TRAF7: variants seen among roughly 807,000 people sequenced by gnomAD.
TRAF7 encodes the protein E3 ubiquitin-protein ligase TRAF7.
TRAF7 carries 45 observed loss-of-function variants against 89.3 expected under a neutral mutation model. That is an observed-to-expected ratio of 0.50 (90% CI 0.40 to 0.65). TRAF7 has a LOEUF of 0.65. Among genes scored for constraint, TRAF7 ranks in the 30% least tolerant of loss-of-function variants. The pLI, the probability that TRAF7 is intolerant of heterozygous loss-of-function variation, is 0.00. For synonymous variants in TRAF7, 406 were observed against 369.2 expected (o/e 1.10, Z -1.14); for missense variants, 677 against 918.1 (o/e 0.74, Z 3.39).
At chr16:2,171,709 T>A (rs2093112072) in intron 7 of TRAF7, 104 bp downstream of exon 7, 2 of 1,565,366 alleles carry the variant, frequency 1.3e-6, no homozygotes. Context: ...CCGGCCCTGT[T>A]TGGCCTCTGC....
chr16:2,167,327 G>A (rs1168108351), intron 3 of TRAF7, among the ~76,000 whole-genome samples: 4 of 139,702 alleles, frequency 2.9e-5, no homozygotes, highest in Non-Finnish European at 6.6e-5. Context: ...AGCCTCTCGA[G>A]GCCTCAATCT....
In TRAF7 at chr16:2,161,819, C is replaced by T. The variant is rs566277269; in HGVS notation, c.-38-2064C>T. Among the ~76,000 whole-genome samples the T allele has an allele frequency of 1.6e-4, 24 of 152,300 alleles. No homozygotes were observed. The highest frequency in any genetic ancestry group is 5.1e-4 in the African/African-American group (21 of 41,566). ...GGCCAGCTCTCCCCGACCTTCCTGCCGGGAGCTGCTGGAGACGGGATAGAC... is the reference window on the plus strand; with the variant it reads ...GGCCAGCTCTCCCCGACCTTCCTGCTGGGAGCTGCTGGAGACGGGATAGAC... On this transcript the variant is annotated intron_variant, in intron 1 of 20. Coordinates refer to ENST00000326181, the MANE Select transcript of TRAF7 (RefSeq NM_032271.3). The surrounding 1 kb of genome is among the most constrained non-coding windows in gnomAD (Gnocchi z 5.2).
rs566152738 is a variant in TRAF7 at position 2,169,209 on chromosome 16, C to G, written c.231+1041C>G. ...GTTGGTCAGGCTGGTCTCGAACTCC[C>G]GACCTCAGCTGATCTGCCCCCTCCT... On this transcript the variant is annotated intron_variant, in intron 4 of 20. Transcript: ENST00000326181. Among the ~76,000 whole-genome samples the G allele has an allele frequency of 1.3e-4, 20 of 152,218 alleles. No individual in the cohort carries two copies. The East Asian group carries it at 3.7e-3, about 28-fold the overall frequency.
At position 2,172,532 on chromosome 16, in the gene TRAF7, C is replaced by G. The variant is rs750793648; in HGVS notation, c.727C>G (p.Leu243Val). 98 of 1,589,568 alleles carry G rather than the reference C, an allele frequency of 6.2e-5. No homozygotes were observed. The Admixed American group carries it at 1.7e-3, about 28-fold the overall frequency. Residue 243 changes from leucine (L) to valine (V), a missense_variant, in exon 9 of 21, where the codon CTC becomes GTC. Coordinates refer to ENST00000326181, the MANE Select transcript of TRAF7 (RefSeq NM_032271.3). Reference protein sequence around the residue: ...CPNNPSCPPLLRMNLEAHLKE... With the variant: ...CPNNPSCPPLVRMNLEAHLKE... Reference sequence around the variant, plus strand: ...CAACAACCCCAGCTGCCCCCCGCTGCTCAGGATGAACCTGGAGGCCCACCT... The same window carrying G: ...CAACAACCCCAGCTGCCCCCCGCTGGTCAGGATGAACCTGGAGGCCCACCT...
chr16:2,164,332 T>C (rs112388232), intron 2 of TRAF7, among the ~76,000 whole-genome samples: 3 of 121,878 alleles, frequency 2.5e-5, no homozygotes, highest in African/African-American at 9.3e-5. Context: ...TAAAGCGTGT[T>C]AGTGCTGCGT....
In TRAF7 at chr16:2,168,777, C is replaced by T. The variant is rs1351262448; in HGVS notation, c.231+609C>T. Reference sequence around the variant, plus strand: ...GCCCTGTGGCCAGGGTCTCAGTGGCCGTTCCCTGCCATCCTGGTCAATGGC... The same window carrying T: ...GCCCTGTGGCCAGGGTCTCAGTGGCTGTTCCCTGCCATCCTGGTCAATGGC... On this transcript the variant is annotated intron_variant, in intron 4 of 20. Transcript: ENST00000326181. The surrounding 1 kb of genome is among the most constrained non-coding windows in gnomAD (Gnocchi z 4.1). 6.6e-6 allele frequency among the ~76,000 whole-genome samples: 1 copy of T among 152,030 alleles called. No homozygotes were observed. The highest frequency in any genetic ancestry group is 2.4e-5 in the African/African-American group (1 of 41,384).
At chr16:2,172,902 G>T (rs1018635406) in intron 9 of TRAF7, among the ~76,000 whole-genome samples, 1 of 152,174 alleles carries the variant, frequency 6.6e-6, no homozygotes, top group African/African-American at 2.4e-5. Flanking sequence ...AGTTCTTCAG[G>T]GCAGGGAGGT....
intron 2 of TRAF7, among the ~76,000 whole-genome samples, chr16:2,165,084 C>G (rs1269637911): frequency 9.5e-6 from 1 of 105,082 alleles, no homozygotes; most frequent in Non-Finnish European, 1.8e-5. Flanking sequence ...GCTGCATGGC[C>G]TGGCCTGGTC....
At chr16:2,164,072 C>T in intron 2 of TRAF7, 71 bp downstream of exon 2, 3 of 1,415,742 alleles carry the variant, frequency 2.1e-6, no homozygotes, top group South Asian at 2.6e-5. Context: ...CTGGTGTTGC[C>T]TGCAGAGCTC....
At position 2,158,578 on chromosome 16, in the gene TRAF7, G is replaced by A. The variant is rs2093045285; in HGVS notation, c.-39+2720G>A. Among the ~76,000 whole-genome samples, 1 of 152,188 alleles carries A rather than the reference G, an allele frequency of 6.6e-6. No individual in the cohort carries two copies. Among genetic ancestry groups the A allele is most frequent in the South Asian group, 2.1e-4 (1 of 4,828 alleles). On this transcript the variant is annotated intron_variant, in intron 1 of 20. Coordinates refer to ENST00000326181, the MANE Select transcript of TRAF7 (RefSeq NM_032271.3). The surrounding 1 kb of genome is among the most constrained non-coding windows in gnomAD (Gnocchi z 4.7). ...CAGTGCGGTGGCACGCTGGCATGAGGGCGCTGGGTGACTGAGGGGGTCAGT... is the reference window on the plus strand; with the variant it reads ...CAGTGCGGTGGCACGCTGGCATGAGAGCGCTGGGTGACTGAGGGGGTCAGT...
chr16:2,170,022 T>G (rs923291797), intron 4 of TRAF7, among the ~76,000 whole-genome samples: 1 of 152,192 alleles, frequency 6.6e-6, no homozygotes, highest in Non-Finnish European at 1.5e-5. Context: ...CCCTTGTCGG[T>G]GGCTCAGCCA....
intron 14 of TRAF7, among the ~76,000 whole-genome samples, chr16:2,174,707 C>T (rs1026065903): frequency 1.3e-5 from 2 of 152,226 alleles, no homozygotes; most frequent in African/African-American, 4.8e-5. Context: ...ACTACCTTGG[C>T]CACTTTCTTG....
Position 2,176,624 on chromosome 16 carries a change from C to G in TRAF7, c.*50C>G, listed in dbSNP as rs779179910. 1.3e-5 allele frequency: 21 copies of G among 1,612,810 alleles called. No homozygotes were observed. In the East Asian group the frequency reaches 4.5e-4, roughly 34 times the overall value. On this transcript the variant is annotated 3_prime_UTR_variant, in exon 21 of 21. Coordinates refer to ENST00000326181, the MANE Select transcript of TRAF7 (RefSeq NM_032271.3). ...TCCCCTGAACCAGCCCTGGACCTTT[C>G]TGAGCCAGGCTGGCCACATGGGGTG...
In TRAF7 at chr16:2,170,657, T is replaced by C; in HGVS notation, c.275T>C (p.Val92Ala). ...TPRRSDSAISVRSLHSESSMS... is the reference protein window; with the variant it reads ...TPRRSDSAISARSLHSESSMS... ...CGCCGCTCCGACTCCGCCATCTCTG[T>C]CCGCTCCCTGCACTCAGAGTCCAGC... The change falls in exon 5 of 21, where the codon GTC becomes GCC. Residue 92 changes from valine (V) to alanine (A), a missense_variant. This residue lies in a region of TRAF7 where 240 missense variants were observed against 191.9 expected (regional missense o/e 1.25). Transcript: ENST00000326181. 2 of 1,610,556 alleles carry C rather than the reference T, an allele frequency of 1.2e-6. No homozygotes were observed. Among genetic ancestry groups the C allele is most frequent in the Non-Finnish European group, 1.7e-6 (2 of 1,178,824 alleles).
chr16:2,157,310 T>G lies in TRAF7; in HGVS notation c.-39+1452T>G, dbSNP rs559301398. 2.7e-5 allele frequency among the ~76,000 whole-genome samples: 4 copies of G among 150,682 alleles called. No homozygotes were observed. The South Asian group carries it at 8.5e-4, about 32-fold the overall frequency. ...GAGCAGTGGTATGGGCAGCCTGGCCTAAGGAGGGGAGGGGCTGGGAGTCAG... is the reference window on the plus strand; with the variant it reads ...GAGCAGTGGTATGGGCAGCCTGGCCGAAGGAGGGGAGGGGCTGGGAGTCAG... On this transcript the variant is annotated intron_variant, in intron 1 of 20. Coordinates refer to ENST00000326181, the MANE Select transcript of TRAF7 (RefSeq NM_032271.3).
At chr16:2,156,382 C>CA (rs2093034590) in intron 1 of TRAF7, among the ~76,000 whole-genome samples, 1 of 152,228 alleles carries the variant, frequency 6.6e-6, no homozygotes, top group Admixed American at 6.5e-5. Flanking sequence ...CATGCATTGG[C>CA]AAATGCCTCC....
Position 2,173,285 on chromosome 16 carries a change from G to A in TRAF7, c.898G>A (p.Glu300Lys), listed in dbSNP as rs150194608. The A allele has an allele frequency of 1.3e-4, 202 of 1,613,612 alleles. 2 individuals carry two copies. Among genetic ancestry groups the A allele is most frequent in the South Asian group, 8.3e-4 (76 of 91,080 alleles). ...GCAGCAGACGGATGACCGCTTCCAC[G>A]AGATGCACGTGGCTCTGGCCCAGAA... ...FLQQTDDRFH[E>K]MHVALAQKDQ... Residue 300 changes from glutamate (E) to lysine (K), a missense_variant, in exon 10 of 21, where the codon GAG (glutamate) becomes AAG (lysine). By Grantham distance (56) the Glu-to-Lys change is moderately conservative. Around this residue, in one of 6 missense-constraint regions of TRAF7, gnomAD observed 238 missense variants for 352.6 expected, o/e 0.67. Coordinates refer to ENST00000326181, the MANE Select transcript of TRAF7 (RefSeq NM_032271.3).
chr16:2,171,534 C>T (rs781430012), intron 6 of TRAF7, 38 bp from the exon 7 acceptor site: 3 of 1,612,774 alleles, frequency 1.9e-6, no homozygotes, highest in Non-Finnish European at 2.5e-6. Flanking sequence ...AAAAAGAGGA[C>T]CCTGCGCCAC....
rs1567244611 is a variant in TRAF7, at chr16:2,158,767, G to GT, written c.-39+2909_-39+2910insT. 7.2e-6 allele frequency among the ~76,000 whole-genome samples: 1 copy of GT among 139,356 alleles called. No individual in the cohort carries two copies. The highest frequency in any genetic ancestry group is 2.1e-4 in the East Asian group (1 of 4,792). The allele number at this position is 139,356 out of a possible 152,430, so 91.4% of individuals were successfully genotyped here. A position where few individuals can be genotyped will look rare whatever the true frequency, so the allele number is the denominator to read the frequency against. ...CGTGGGACTGGGAAGCGTGGGCTCG[G>GT]CGGGGGGGGGGGGGACACTGCCACC... On this transcript the variant is annotated intron_variant, in intron 1 of 20. Coordinates refer to ENST00000326181, the MANE Select transcript of TRAF7 (RefSeq NM_032271.3). This position sits in a 1 kb window ranked among gnomAD's most constrained non-coding sequence, Gnocchi z 4.7.
Sources: gnomAD v4.1 joint callset for allele counts (sites outside exome capture counted in the v4.1 genomes callset) on GRCh38, gnomAD v4.1.1 for gene constraint, gnomAD v4.1.1 regional missense constraint, Gnocchi (gnomAD v3.1) non-coding constraint, MANE v1.5 for transcripts, NCBI Gene and HGNC (gene_info 2026-07-23, HGNC 2026-07-21) for gene names.